Variants in KLF8 observed in about 807,000 individuals in gnomAD.
KLF8 encodes the protein KLF transcription factor 8.
KLF8 carries 10 observed loss-of-function variants against 18.2 expected under a neutral mutation model. The observed-to-expected ratio is 0.55, with a 90% CI of 0.34 to 0.93. The LOEUF is 0.93. Ranked by LOEUF, KLF8 falls within the 40% of genes least tolerant of loss-of-function variation. The pLI is 0.02. For synonymous variants in KLF8, 109 were observed against 97.3 expected, an observed-to-expected ratio of 1.12 and a Z score of -0.71; for missense variants, 264 against 277.9, an observed-to-expected ratio of 0.95 and a Z score of 0.36.
At chrX:55,942,390 A>T in the KLF8 span, among the ~76,000 whole-genome samples, 1 of 110,270 alleles carries the variant, frequency 9.1e-6, no homozygotes, top group Non-Finnish European at 1.9e-5. Flanking sequence ...GGTGGGGTGG[A>T]ATAGCATTAG....
the KLF8 span, among the ~76,000 whole-genome samples, chrX:55,982,209 G>A: frequency 8.9e-6 from 1 of 111,746 alleles, no homozygotes; most frequent in African/African-American, 3.3e-5. Flanking sequence ...AAGTTAAGCA[G>A]GGCAGGAGAG....
chrX:55,980,809 G>C, the KLF8 span, among the ~76,000 whole-genome samples: 1 of 112,133 alleles, frequency 8.9e-6, no homozygotes, highest in African/African-American at 3.2e-5. Flanking sequence ...CCTAATAAGT[G>C]TGCGAACTGT....
At chrX:56,132,898 T>C in the KLF8 span, among the ~76,000 whole-genome samples, 2 of 111,333 alleles carry the variant, frequency 1.8e-5, no homozygotes, top group Non-Finnish European at 3.8e-5. Flanking sequence ...TTTACACATA[T>C]AAACTAGAAA....
chrX:56,119,790 T>A, the KLF8 span, among the ~76,000 whole-genome samples: 2 of 108,328 alleles, frequency 1.8e-5, no homozygotes, highest in African/African-American at 6.7e-5. Flanking sequence ...GACTAGTTTC[T>A]CAGTTACAGA....
At chrX:56,022,387 T>C in the KLF8 span, among the ~76,000 whole-genome samples, 1 of 106,492 alleles carries the variant, frequency 9.4e-6, no homozygotes, top group Non-Finnish European at 1.9e-5. Flanking sequence ...CCTACTAAAA[T>C]TACAAAAAAT....
the KLF8 span, among the ~76,000 whole-genome samples, chrX:55,951,478 C>CAAAA: frequency 2.5e-5 from 1 of 39,859 alleles, no homozygotes; most frequent in African/African-American, 8.7e-5. Flanking sequence ...AACTCCGTCT[C>CAAAA]AAAAAAAAAA....
At chrX:56,047,512 G>T in the KLF8 span, among the ~76,000 whole-genome samples, 38 of 107,167 alleles carry the variant, frequency 3.5e-4, no homozygotes, top group Non-Finnish European at 5.2e-4. Flanking sequence ...GAAAACATGT[G>T]GTGTTTGGTT....
Position 56,233,176 on chromosome X carries a change from T to G in KLF8, c.-159T>G. 1.7e-6 allele frequency: 1 copy of G among 585,043 alleles called. No homozygotes were observed. The highest frequency in any genetic ancestry group is 2.8e-6 in the Non-Finnish European group (1 of 358,127). 48.2% of individuals were successfully genotyped at this position (585,043 alleles called of 1,213,427 possible). On this transcript the variant is annotated 5_prime_UTR_variant, in exon 1 of 6. Transcript: ENST00000468660. ...TTTCCAGCCCGGAGAAATAGGGGAG[T>G]GGGGGCCCAAGAACGAGAAGACGAG...
chrX:56,109,132 C>G, the KLF8 span, among the ~76,000 whole-genome samples: 2 of 111,271 alleles, frequency 1.8e-5, no homozygotes, highest in African/African-American at 6.5e-5. Flanking sequence ...CATAGTGGCT[C>G]ATACTTGTAA....
the KLF8 span, among the ~76,000 whole-genome samples, chrX:55,950,935 A>G: frequency 9.0e-6 from 1 of 111,640 alleles, no homozygotes; most frequent in African/African-American, 3.3e-5. Context: ...ATACTTACCA[A>G]TAAGTACCAT....
At chrX:56,223,325 G>A in the KLF8 span, among the ~76,000 whole-genome samples, 4 of 112,373 alleles carry the variant, frequency 3.6e-5, no homozygotes, top group African/African-American at 1.3e-4. Context: ...CACTATTCAC[G>A]TTAGTTATTA....
the KLF8 span, among the ~76,000 whole-genome samples, chrX:56,142,721 T>C: frequency 8.9e-6 from 1 of 111,735 alleles, no homozygotes; most frequent in East Asian, 2.8e-4. Context: ...TAACCTTCAT[T>C]CTTCTCCATT....
At chrX:56,025,433 G>T in the KLF8 span, among the ~76,000 whole-genome samples, 1 of 111,418 alleles carries the variant, frequency 9.0e-6, no homozygotes, top group Admixed American at 9.5e-5. Flanking sequence ...TTTCCTTTTT[G>T]GAGCCAAACA....
chrX:56,088,278 A>T, the KLF8 span, among the ~76,000 whole-genome samples: 3 of 111,949 alleles, frequency 2.7e-5, no homozygotes, highest in African/African-American at 9.7e-5. Flanking sequence ...TTTCCATTGC[A>T]CATGGAATGA....
At chrX:55,920,134 TC>T in the KLF8 span, among the ~76,000 whole-genome samples, 2 of 111,274 alleles carry the variant, frequency 1.8e-5, no homozygotes, top group Non-Finnish European at 3.8e-5. Flanking sequence ...GCATGGTAGC[TC>T]CCCCGGGTGG....
At chrX:56,028,532 C>A in the KLF8 span, among the ~76,000 whole-genome samples, 2 of 111,650 alleles carry the variant, frequency 1.8e-5, no homozygotes, top group South Asian at 7.6e-4. Flanking sequence ...CAAAGTAGGG[C>A]ATCCATCCCT....
At chrX:55,938,410 C>A in the KLF8 span, among the ~76,000 whole-genome samples, 1 of 111,815 alleles carries the variant, frequency 8.9e-6, no homozygotes, top group Non-Finnish European at 1.9e-5. Context: ...GTACCAGCCA[C>A]TGCAAAAACA....
At chrX:56,145,331 G>A in the KLF8 span, among the ~76,000 whole-genome samples, 1 of 111,495 alleles carries the variant, frequency 9.0e-6, no homozygotes, top group Non-Finnish European at 1.9e-5. Flanking sequence ...TAGAGAAATT[G>A]GAACCCTCAT....
the KLF8 span, among the ~76,000 whole-genome samples, chrX:56,099,299 T>A: frequency 1.8e-5 from 2 of 111,717 alleles, no homozygotes; most frequent in African/African-American, 3.2e-5. Flanking sequence ...TGCACCCATA[T>A]AAGATGGTAA....
Sources: allele counts gnomAD v4.1 joint callset (sites outside exome capture counted in the v4.1 genomes callset), GRCh38; gene constraint gnomAD v4.1.1; transcripts MANE v1.5; gene names NCBI Gene and HGNC (gene_info 2026-07-23, HGNC 2026-07-21).